Variants in SIPA1L1 observed in about 807,000 individuals in gnomAD.
The protein encoded by SIPA1L1 is signal-induced proliferation-associated 1-like protein 1.
In SIPA1L1, 26 loss-of-function variants were observed where a neutral mutation model predicts 162.7. The observed-to-expected ratio is 0.16, with a 90% CI of 0.12 to 0.22. The LOEUF (loss-of-function observed/expected upper bound fraction) is 0.22, where lower values mean the gene tolerates loss of function less well. SIPA1L1 is among the 10% of genes least tolerant of loss of function. SIPA1L1 has a pLI of 1.00. For missense variants in SIPA1L1, 1,874 were observed against 2,241.0 expected, an observed-to-expected ratio of 0.84 and a Z score of 3.31; for synonymous variants, 829 against 837.4, an observed-to-expected ratio of 0.99 and a Z score of 0.17.
intron 10 of SIPA1L1, 77 bp from the exon 11 acceptor site, chr14:71,671,042 T>C: frequency 8.3e-7 from 1 of 1,209,694 alleles, no homozygotes; most frequent in Non-Finnish European, 1.2e-6. Flanking sequence ...ATCTTTGTCT[T>C]TGAGAAAGTA....
chr14:71,573,696 G>A, intron 4 of SIPA1L1: 1 of 456,696 alleles, frequency 2.2e-6, no homozygotes, highest in Non-Finnish European at 4.4e-6. Context: ...AATATTTTCT[G>A]GCTTACCTGC....
intron 7 of SIPA1L1, among the ~76,000 whole-genome samples, chr14:71,639,259 A>T (rs2041464372): frequency 6.6e-6 from 1 of 152,128 alleles, no homozygotes; most frequent in Non-Finnish European, 1.5e-5. Flanking sequence ...AATTTTAAAA[A>T]TTTAACCAGG....
chr14:71,629,007 G>T (rs1007574050), intron 7 of SIPA1L1, among the ~76,000 whole-genome samples: 5 of 152,120 alleles, frequency 3.3e-5, no homozygotes, highest in African/African-American at 1.2e-4. Context: ...GTGCGATCTC[G>T]GCTCACTGCA....
At chr14:71,398,071 A>C (rs1224810531) in intron 2 of SIPA1L1, among the ~76,000 whole-genome samples, 1 of 126,816 alleles carries the variant, frequency 7.9e-6, no homozygotes, top group African/African-American at 3.1e-5. Context: ...GCCGGACTGC[A>C]GTGGCGCTAT....
At position 71,738,224 on chromosome 14, in the gene SIPA1L1, T is replaced by C. The variant is rs2085489306; in HGVS notation, c.5124-17T>C. The C allele has an allele frequency of 6.4e-6, 10 of 1,570,692 alleles. No individual in the cohort carries two copies. The highest frequency in any genetic ancestry group is 8.7e-6 in the Non-Finnish European group (10 of 1,146,912). ...TGGAGGCCCCTGCCAACATGGTCTTTTGTTTCTTGTTCCCAGCAGTAAAGA... is the reference window on the plus strand; with the variant it reads ...TGGAGGCCCCTGCCAACATGGTCTTCTGTTTCTTGTTCCCAGCAGTAAAGA... On this transcript the variant is annotated splice_polypyrimidine_tract_variant and intron_variant, in intron 22 of 23. Coordinates refer to ENST00000381232, the MANE Select transcript of SIPA1L1 (RefSeq NM_001386936.1).
At chr14:71,674,859 C>T (rs1049319753) in intron 12 of SIPA1L1, among the ~76,000 whole-genome samples, 5 of 151,752 alleles carry the variant, frequency 3.3e-5, no homozygotes, top group African/African-American at 4.8e-5. Flanking sequence ...CCACCGCGCC[C>T]GGCCGCATTC....
intron 12 of SIPA1L1, among the ~76,000 whole-genome samples, chr14:71,680,793 A>G (rs531196988): frequency 5.3e-5 from 8 of 152,334 alleles, no homozygotes; most frequent in African/African-American, 1.7e-4. Context: ...AGAATACTAT[A>G]AACACCTCTA....
At chr14:71,465,910 A>G (rs960428714) in intron 2 of SIPA1L1, among the ~76,000 whole-genome samples, 18 of 152,334 alleles carry the variant, frequency 1.2e-4, no homozygotes, top group Non-Finnish European at 2.6e-4. Flanking sequence ...CTGGGAGGCT[A>G]GGCCAGTCTC....
chr14:71,709,234 T>G lies in SIPA1L1; in HGVS notation c.3778T>G (p.Tyr1260Asp), dbSNP rs908272310. Residue 1260 changes from tyrosine to aspartate, a missense_variant, in exon 17 of 24, where the codon TAC becomes GAC. Tyr to Asp is a radical substitution (Grantham distance 160, BLOSUM62 -3). Around this residue, in one of 5 missense-constraint regions of SIPA1L1, gnomAD observed 936 missense variants for 1,051.9 expected, o/e 0.89. Transcript: ENST00000381232. ...GCTTCTCTTGCAGTCTGATAGCCACTACTCGAGCCACTCCAGTAGCAATAC... is the reference window on the plus strand; with the variant it reads ...GCTTCTCTTGCAGTCTGATAGCCACGACTCGAGCCACTCCAGTAGCAATAC... ...PNKQGHSDSH[Y>D]SSHSSSNTLS... is the part of the protein sequence containing the mutation. 4.3e-5 allele frequency: 70 copies of G among 1,611,682 alleles called. No individual in the cohort carries two copies. Among genetic ancestry groups the G allele is most frequent in the Non-Finnish European group, 5.4e-5 (64 of 1,178,518 alleles).
intron 2 of SIPA1L1, among the ~76,000 whole-genome samples, chr14:71,424,269 T>A (rs1372179343): frequency 1.3e-5 from 2 of 152,116 alleles, no homozygotes; most frequent in Non-Finnish European, 2.9e-5. Flanking sequence ...TTTATTTCTC[T>A]TTCTTGCCTA....
At chr14:71,629,978 A>T (rs2040408918) in intron 7 of SIPA1L1, among the ~76,000 whole-genome samples, 1 of 152,242 alleles carries the variant, frequency 6.6e-6, no homozygotes, top group Non-Finnish European at 1.5e-5. Flanking sequence ...TATTGTGAGG[A>T]TAAATGAGTT....
chr14:71,682,226 G>A (rs1025100634), intron 12 of SIPA1L1, among the ~76,000 whole-genome samples: 3 of 152,126 alleles, frequency 2.0e-5, no homozygotes, highest in African/African-American at 7.2e-5. Flanking sequence ...CTAAATTCGT[G>A]CCTGGCCCAT....
chr14:71,578,596 A>G (rs2033464889), intron 4 of SIPA1L1, among the ~76,000 whole-genome samples: 1 of 152,244 alleles, frequency 6.6e-6, no homozygotes, highest in East Asian at 1.9e-4. Context: ...TGTTACATGT[A>G]TTATATAGTG....
At chr14:71,528,570 T>C (rs904301463) in intron 3 of SIPA1L1, 7 of 152,136 alleles carry the variant, frequency 4.6e-5, no homozygotes, top group African/African-American at 1.7e-4. Context: ...GGAGAATTGC[T>C]TGAACCTGGG....
chr14:71,380,827 T>C (rs1320949974), intron 2 of SIPA1L1, among the ~76,000 whole-genome samples: 1 of 152,156 alleles, frequency 6.6e-6, no homozygotes, highest in Non-Finnish European at 1.5e-5. Context: ...TGTTTGAGTA[T>C]AAAATCCATG....
chr14:71,706,877 C>A (rs1397309296), intron 16 of SIPA1L1, among the ~76,000 whole-genome samples: 1 of 151,820 alleles, frequency 6.6e-6, no homozygotes, highest in Non-Finnish European at 1.5e-5. Flanking sequence ...ACTAAAAATA[C>A]AAGAAATTAG....
chr14:71,514,189 T>A (rs2051469590), intron 3 of SIPA1L1, among the ~76,000 whole-genome samples: 1 of 152,152 alleles, frequency 6.6e-6, no homozygotes, highest in Non-Finnish European at 1.5e-5. Context: ...AGGACAAGTG[T>A]GGGGTTTGAC....
chr14:71,563,505 TAC>T (rs2056955460), intron 4 of SIPA1L1, among the ~76,000 whole-genome samples: 2 of 152,236 alleles, frequency 1.3e-5, no homozygotes, highest in Admixed American at 6.5e-5. Flanking sequence ...CCTTAAGAAT[TAC>T]AGTCAGTGCC....
chr14:71,594,312 T>C (rs1417008048), intron 5 of SIPA1L1, among the ~76,000 whole-genome samples: 1 of 152,218 alleles, frequency 6.6e-6, no homozygotes, highest in Non-Finnish European at 1.5e-5. Flanking sequence ...CAAATAAGCA[T>C]CATTAAATAG....
Sources: allele counts gnomAD v4.1 joint callset (sites outside exome capture counted in the v4.1 genomes callset), GRCh38; gene constraint gnomAD v4.1.1; regional missense constraint gnomAD v4.1.1; transcripts MANE v1.5; gene names NCBI Gene and HGNC (gene_info 2026-07-23, HGNC 2026-07-21).